Variants in RPF2 observed in about 807,000 individuals in gnomAD.
RPF2 encodes the protein ribosome production factor 2 homolog.
RPF2 carries 21 observed loss-of-function variants against 38.9 expected under a neutral mutation model. The observed-to-expected ratio is 0.54, with a 90% confidence interval of 0.38 to 0.78. The LOEUF is 0.78. Among genes scored for constraint, RPF2 ranks in the 30% least tolerant of loss-of-function variants. The probability of loss-of-function intolerance (pLI) is 0.00; values close to 1 mark genes in which losing one functional copy is unlikely to be tolerated. For synonymous variants in RPF2, 121 were observed against 126.2 expected (o/e 0.96, Z 0.28); for missense variants, 314 against 358.1 (o/e 0.88, Z 0.99).
At chr6:110,988,918 A>G (rs1429698297) in intron 2 of RPF2, 110 bp from the exon 3 acceptor site, 10 of 1,348,002 alleles carry the variant, frequency 7.4e-6, no homozygotes, top group Middle Eastern at 1.9e-4. Flanking sequence ...CCCTCAGAAT[A>G]AGATTGAGGC....
At chr6:110,999,582 T>A in intron 5 of RPF2, 129 bp from the exon 6 acceptor site, 1 of 541,350 alleles carries the variant, frequency 1.8e-6, no homozygotes, top group Non-Finnish European at 3.4e-6. Flanking sequence ...GAAAGTGGGA[T>A]ATGTTTGCGG....
intron 4 of RPF2, among the ~76,000 whole-genome samples, chr6:110,994,464 A>G (rs868642650): frequency 4.0e-5 from 6 of 151,856 alleles, no homozygotes; most frequent in Non-Finnish European, 8.8e-5. Flanking sequence ...TGGGAGCCCA[A>G]GTGCTAACTA....
chr6:110,993,357 T>C (rs1771653804), intron 4 of RPF2, among the ~76,000 whole-genome samples: 1 of 152,196 alleles, frequency 6.6e-6, no homozygotes, highest in Admixed American at 6.6e-5. Context: ...CAATGATAAA[T>C]TAGATTAAAA....
chr6:110,994,318 T>G (rs1361423745), intron 4 of RPF2, among the ~76,000 whole-genome samples: 2 of 151,240 alleles, frequency 1.3e-5, no homozygotes. Flanking sequence ...GGCACCGTGG[T>G]TCATACCTCT....
chr6:110,994,762 C>CACAT (rs1312150907), intron 4 of RPF2, among the ~76,000 whole-genome samples: 1 of 132,934 alleles, frequency 7.5e-6, no homozygotes, highest in Non-Finnish European at 1.6e-5. Flanking sequence ...CACACACACA[C>CACAT]ACACACACGA....
chr6:111,015,386 A>G (rs1772089740), intron 7 of RPF2, among the ~76,000 whole-genome samples: 1 of 152,216 alleles, frequency 6.6e-6, no homozygotes. Context: ...TTAATAGTCA[A>G]TTTGAACAGC....
rs756901003 is a variant in RPF2 at position 110,988,940 on chromosome 6, C to T, written c.157-88C>T. Reference sequence around the variant, plus strand: ...AATAAGATTGAGGCCCCAGAGCAATCTTGGAGAGTGACTGTTATGATGCTT... The same window carrying T: ...AATAAGATTGAGGCCCCAGAGCAATTTTGGAGAGTGACTGTTATGATGCTT... On this transcript the variant is annotated intron_variant, in intron 2 of 9. Coordinates refer to ENST00000441448, the MANE Select transcript of RPF2 (RefSeq NM_032194.3). The T allele has an allele frequency of 4.7e-6, 7 of 1,497,354 alleles. No homozygotes were observed. In the South Asian group the frequency reaches 8.7e-5, roughly 19 times the overall value. The allele number at this position is 1,497,354 out of a possible 1,614,324, so 92.8% of individuals were successfully genotyped here.
At chr6:110,986,026 T>C (rs1017116490) in intron 2 of RPF2, among the ~76,000 whole-genome samples, 15 of 151,536 alleles carry the variant, frequency 9.9e-5, no homozygotes, top group African/African-American at 3.4e-4. Context: ...GAAGGAGAAG[T>C]TGGTGCAAGA....
rs189712933 is a variant in RPF2 at position 110,990,085 on chromosome 6, T to C, written c.194+1020T>C. Reference sequence around the variant, plus strand: ...TCCCGAGTAACTGGGATTACGGGCATGCGCCACCACGCCCGGCTAATTTTG... The same window carrying C: ...TCCCGAGTAACTGGGATTACGGGCACGCGCCACCACGCCCGGCTAATTTTG... On this transcript the variant is annotated intron_variant, in intron 3 of 9. Transcript: ENST00000441448. Among the ~76,000 whole-genome samples the C allele has an allele frequency of 5.9e-5, 9 of 151,978 alleles. No individual in the cohort carries two copies. In the East Asian group the frequency reaches 1.8e-3, roughly 30 times the overall value.
At chr6:111,006,724 C>T (rs1248540635) in intron 6 of RPF2, among the ~76,000 whole-genome samples, 1 of 152,154 alleles carries the variant, frequency 6.6e-6, no homozygotes, top group Middle Eastern at 3.2e-3. Flanking sequence ...CCTCCTACCT[C>T]ACGTTCCGAG....
intron 7 of RPF2, among the ~76,000 whole-genome samples, chr6:111,012,355 A>G (rs1169810477): frequency 6.6e-6 from 1 of 151,782 alleles, no homozygotes; most frequent in Non-Finnish European, 1.5e-5. Flanking sequence ...TATTTCTTGT[A>G]GACATGAGGT....
chr6:111,009,891 C>G (rs184204230), intron 7 of RPF2, among the ~76,000 whole-genome samples: 1 of 152,004 alleles, frequency 6.6e-6, no homozygotes, highest in East Asian at 1.9e-4. Context: ...CCAGGCTGGT[C>G]TTGAACTTCA....
chr6:111,017,315 C>G (rs1247544070), intron 8 of RPF2, among the ~76,000 whole-genome samples: 2 of 150,568 alleles, frequency 1.3e-5, no homozygotes, highest in Admixed American at 1.3e-4. Flanking sequence ...GAGGCGCCCC[C>G]ACCTCCCTCC....
In RPF2 at chr6:110,991,791, G is replaced by A; in HGVS notation, c.234+5G>A. ...TTTGAGGATCAGACATCACTGGTAA[G>A]TATAATAATCTTTATGATTTAAGAA... On this transcript the variant is annotated splice_donor_5th_base_variant and intron_variant, in intron 4 of 9. Transcript: ENST00000441448. The A allele has an allele frequency of 4.3e-6, 5 of 1,149,472 alleles. No individual in the cohort carries two copies. Among genetic ancestry groups the A allele is most frequent in the Non-Finnish European group, 6.1e-6 (5 of 815,696 alleles). The allele number at this position is 1,149,472 out of a possible 1,614,324, so 71.2% of individuals were successfully genotyped here.
intron 2 of RPF2, among the ~76,000 whole-genome samples, chr6:110,988,053 AAAATACAAAAAT>A (rs1437381241): frequency 2.6e-5 from 4 of 152,104 alleles, no homozygotes; most frequent in Admixed American, 2.0e-4. Flanking sequence ...ATCTCCACTC[AAAATACAAAAAT>A]TAGCTGGGCG....
intron 5 of RPF2, 71 bp downstream of exon 5, chr6:110,997,335 G>A (rs926301972): frequency 1.2e-5 from 11 of 883,390 alleles, no homozygotes; most frequent in Admixed American, 2.0e-5. Flanking sequence ...ATTCATACGG[G>A]TCTGCAGCAA....
At chr6:111,021,880 TA>T (rs572604236) in intron 8 of RPF2, among the ~76,000 whole-genome samples, 54 of 152,360 alleles carry the variant, frequency 3.5e-4, no homozygotes, top group African/African-American at 1.2e-3. Flanking sequence ...ATGAGGTTTA[TA>T]AAATGGTTTT....
intron 7 of RPF2, among the ~76,000 whole-genome samples, chr6:111,012,555 A>T (rs1772038267): frequency 6.6e-6 from 1 of 152,208 alleles, no homozygotes; most frequent in Admixed American, 6.5e-5. Flanking sequence ...TTTTCATTAT[A>T]CAATTGAGAA....
In RPF2 at chr6:110,985,018, G is replaced by T. The variant is rs772098489; in HGVS notation, c.36G>T (p.Thr12=). ...CTTTTCTGAACAGAAAGCCCAAAACGAAAAGAGCCAAGAGATTCCTTGAGA... is the reference window on the plus strand; with the variant it reads ...CTTTTCTGAACAGAAAGCCCAAAACTAAAAGAGCCAAGAGATTCCTTGAGA... ...DTLDRVVKPK[T]KRAKRFLEKR... Residue 12 remains threonine, a synonymous_variant, in exon 2 of 10, where the codon ACG becomes ACT. Coordinates refer to ENST00000441448, the MANE Select transcript of RPF2 (RefSeq NM_032194.3). 2.5e-6 allele frequency: 4 copies of T among 1,611,108 alleles called. No individual in the cohort carries two copies. In the African/African-American group the frequency reaches 4.0e-5, roughly 16 times the overall value.
Sources: allele counts gnomAD v4.1 joint callset (sites outside exome capture counted in the v4.1 genomes callset), GRCh38; gene constraint gnomAD v4.1.1; transcripts MANE v1.5; gene names NCBI Gene and HGNC (gene_info 2026-07-23, HGNC 2026-07-21).